ME2: variants seen among roughly 807,000 people sequenced by gnomAD.
The protein encoded by ME2 is malic enzyme 2.
A neutral mutation model predicts 73.7 loss-of-function variants in ME2; 60 were observed. That is an observed-to-expected ratio of 0.81 (90% CI 0.66 to 1.01). ME2 has a LOEUF of 1.01. Among genes scored for constraint, ME2 ranks in the 50% least tolerant of loss-of-function variants. ME2 has a pLI of 0.00. For synonymous variants in ME2, 199 were observed against 236.9 expected (o/e 0.84, Z 1.47); for missense variants, 594 against 705.5 (o/e 0.84, Z 1.79).
intron 15 of ME2, among the ~76,000 whole-genome samples, 197 bp downstream of exon 15, chr18:50,940,583 A>G (rs867347412): frequency 7.2e-5 from 11 of 152,214 alleles, no homozygotes; most frequent in African/African-American, 2.4e-4. Context: ...CTTTGCAAAC[A>G]CATACATGCA....
intron 1 of ME2, among the ~76,000 whole-genome samples, chr18:50,889,891 G>A (rs1456318884): frequency 6.6e-6 from 1 of 152,164 alleles, no homozygotes; most frequent in Non-Finnish European, 1.5e-5. Context: ...GAATGTCCAA[G>A]AGTTAGTTTA....
At chr18:50,932,417 A>G in intron 13 of ME2, 57 bp downstream of exon 13, 1 of 1,391,486 alleles carries the variant, frequency 7.2e-7, no homozygotes, top group Non-Finnish European at 1.0e-6. Flanking sequence ...AAAAATACTT[A>G]ATGGAATTCT....
chr18:50,884,251 C>G (rs140744730), intron 1 of ME2, among the ~76,000 whole-genome samples: 1 of 151,858 alleles, frequency 6.6e-6, no homozygotes, highest in Non-Finnish European at 1.5e-5. Flanking sequence ...AATTATAATA[C>G]TCTTTTGCAT....
At chr18:50,940,173 T>C (rs1049152812) in intron 14 of ME2, 115 bp from the exon 15 acceptor site, 9 of 735,448 alleles carry the variant, frequency 1.2e-5, no homozygotes, top group African/African-American at 8.9e-5. Flanking sequence ...CTTCAAGAAA[T>C]AAGAGGAATT....
chr18:50,904,868 T>C (rs1374461316), intron 2 of ME2, among the ~76,000 whole-genome samples: 1 of 152,072 alleles, frequency 6.6e-6, no homozygotes, highest in African/African-American at 2.4e-5. Flanking sequence ...ATGTTTCTCA[T>C]ATTTGGGAAG....
rs545334028 is a variant in ME2, at chr18:50,927,810, ATTT to A, written c.1314+1932_1314+1934del. 2.5e-3 allele frequency among the ~76,000 whole-genome samples: 184 copies of A among 73,094 alleles called. 3 individuals carry two copies. Among genetic ancestry groups the A allele is most frequent in the African/African-American group, 6.7e-3 (112 of 16,732 alleles). The allele number at this position is 73,094 out of a possible 152,430, so 48.0% of individuals were successfully genotyped here. ...AACAATAATTATATCTTGTCATTTAATTTTTTTTTTTTTTTTTTTTTTGAGACA... is the reference window on the plus strand; with the variant it reads ...AACAATAATTATATCTTGTCATTTAATTTTTTTTTTTTTTTTTTTGAGACA... On this transcript the variant is annotated intron_variant, in intron 12 of 15. Coordinates refer to ENST00000321341, the MANE Select transcript of ME2 (RefSeq NM_002396.5).
At chr18:50,916,888 G>A (rs1413209621) in intron 5 of ME2, 2 of 152,806 alleles carry the variant, frequency 1.3e-5, no homozygotes, top group African/African-American at 4.8e-5. Flanking sequence ...ATCATCTTAA[G>A]ACCTTCCTTA....
chr18:50,907,980 G>T (rs1917055274), intron 2 of ME2, 83 bp from the exon 3 acceptor site: 18 of 1,057,788 alleles, frequency 1.7e-5, no homozygotes, highest in East Asian at 2.6e-5. Context: ...TTTCAAATTT[G>T]CATTTAAATT....
At chr18:50,897,564 A>G (rs1429227908) in intron 2 of ME2, among the ~76,000 whole-genome samples, 3 of 152,042 alleles carry the variant, frequency 2.0e-5, no homozygotes, top group African/African-American at 7.2e-5. Flanking sequence ...CGTCTCTACT[A>G]AAAATACAAA....
chr18:50,906,462 G>A (rs780954155), intron 2 of ME2, among the ~76,000 whole-genome samples: 1 of 152,092 alleles, frequency 6.6e-6, no homozygotes, highest in East Asian at 1.9e-4. Flanking sequence ...ACAGGCACAT[G>A]CCACCACGCC....
chr18:50,929,202 G>A (rs540154558), intron 12 of ME2, among the ~76,000 whole-genome samples: 12 of 149,772 alleles, frequency 8.0e-5, no homozygotes, highest in Non-Finnish European at 1.3e-4. Flanking sequence ...GTGTAGGCCA[G>A]GCACAGTGGT....
chr18:50,897,451 C>A (rs1296498011), intron 2 of ME2, among the ~76,000 whole-genome samples: 2 of 152,284 alleles, frequency 1.3e-5, no homozygotes, highest in East Asian at 3.9e-4. Context: ...GTCGGCCAGG[C>A]ACAGTGGCTC....
chr18:50,931,975 G>A (rs1446382001), intron 12 of ME2, among the ~76,000 whole-genome samples: 1 of 152,088 alleles, frequency 6.6e-6, no homozygotes. Context: ...AAGCTTCTGT[G>A]CCTGGCCTTA....
chr18:50,951,434 A>G lies in ME2; in HGVS notation c.*4250A>G, dbSNP rs1918222417. On this transcript the variant is annotated 3_prime_UTR_variant, in exon 16 of 16. Coordinates refer to ENST00000321341, the MANE Select transcript of ME2 (RefSeq NM_002396.5). ...TTTTTTTTCCTCAAGCCCAGTCAGT[A>G]TCCTTCAAGGATAACTTTTTCATAC... 1 of 151,982 alleles carries G rather than the reference A, an allele frequency of 6.6e-6. No individual in the cohort carries two copies. The highest frequency in any genetic ancestry group is 2.1e-4 in the South Asian group (1 of 4,828). 9.4% of individuals were successfully genotyped at this position (151,982 alleles called of 1,614,324 possible).
intron 4 of ME2, among the ~76,000 whole-genome samples, chr18:50,913,756 C>T (rs1917214946): frequency 6.6e-6 from 1 of 151,910 alleles, no homozygotes; most frequent in African/African-American, 2.4e-5. Flanking sequence ...GCGTGATCCC[C>T]ATGAATGTGT....
intron 13 of ME2, among the ~76,000 whole-genome samples, chr18:50,936,284 A>G (rs1917818072): frequency 6.6e-6 from 1 of 152,212 alleles, no homozygotes; most frequent in South Asian, 2.1e-4. Flanking sequence ...TCCTTCAAGA[A>G]TTAAAGCAAA....
chr18:50,885,155 C>T (rs1916428720), intron 1 of ME2, among the ~76,000 whole-genome samples: 1 of 152,136 alleles, frequency 6.6e-6, no homozygotes, highest in Non-Finnish European at 1.5e-5. Flanking sequence ...CACGCCAGGC[C>T]CAAAGTTTTA....
intron 12 of ME2, among the ~76,000 whole-genome samples, chr18:50,927,634 G>A (rs1917586329): frequency 2.7e-5 from 4 of 148,592 alleles, no homozygotes; most frequent in Admixed American, 6.8e-5. Context: ...CCCACGAGGC[G>A]GAGCTTGCAT....
chr18:50,934,044 G>A (rs1240037078), intron 13 of ME2: 1 of 152,090 alleles, frequency 6.6e-6, no homozygotes, highest in Admixed American at 6.5e-5. Context: ...TACACATGGT[G>A]TATATGTGCC....
Sources: gnomAD v4.1 joint callset for allele counts (sites outside exome capture counted in the v4.1 genomes callset) on GRCh38, gnomAD v4.1.1 for gene constraint, MANE v1.5 for transcripts, NCBI Gene and HGNC (gene_info 2026-07-23, HGNC 2026-07-21) for gene names.